The following DSCAML1 variants were observed in gnomAD, a reference collection of about 807,000 sequenced individuals.
The protein encoded by DSCAML1 is DS cell adhesion molecule like 1.
A neutral mutation model predicts 200.5 loss-of-function variants in DSCAML1; 38 were observed. The observed-to-expected ratio is 0.19, with a 90% CI of 0.15 to 0.25. The LOEUF (loss-of-function observed/expected upper bound fraction) is 0.25. Ranked by LOEUF, DSCAML1 falls within the 10% of genes least tolerant of loss-of-function variation. The pLI is 1.00. For synonymous variants in DSCAML1, 1,215 were observed against 1,165.0 expected (o/e 1.04, Z -0.87); for missense variants, 2,223 against 2,858.8 (o/e 0.78, Z 5.07).
chr11:117,688,988 C>T (rs79902379), intron 3 of DSCAML1, among the ~76,000 whole-genome samples: 1,585 of 152,226 alleles, frequency 0.01, 37 homozygotes, highest in East Asian at 0.097. Context: ...AGGCAGGTCT[C>T]GGAGCAACAG....
At chr11:117,528,316 AG>A (rs1300433015) in intron 4 of DSCAML1, among the ~76,000 whole-genome samples, 4 of 143,530 alleles carry the variant, frequency 2.8e-5, no homozygotes, top group Non-Finnish European at 4.6e-5. Flanking sequence ...TGGTGGAGGA[AG>A]GGGCGGAGGG....
chr11:117,724,329 A>G (rs2054088014), intron 3 of DSCAML1, among the ~76,000 whole-genome samples: 1 of 152,158 alleles, frequency 6.6e-6, no homozygotes, highest in African/African-American at 2.4e-5. Context: ...GCACCACATG[A>G]GACAAGGGAT....
intron 18 of DSCAML1, among the ~76,000 whole-genome samples, chr11:117,459,782 G>A (rs536571376): frequency 6.6e-6 from 1 of 152,338 alleles, no homozygotes; most frequent in South Asian, 2.1e-4. Flanking sequence ...GACCAGCCTC[G>A]TAGACATGAG....
At chr11:117,500,063 A>C (rs1184633997) in intron 11 of DSCAML1, among the ~76,000 whole-genome samples, 4 of 152,218 alleles carry the variant, frequency 2.6e-5, no homozygotes. Flanking sequence ...TTTCCTCAAC[A>C]TAGGACAGTC....
At chr11:117,671,874 G>A (rs1183163594) in intron 3 of DSCAML1, among the ~76,000 whole-genome samples, 1 of 152,076 alleles carries the variant, frequency 6.6e-6, no homozygotes, top group Non-Finnish European at 1.5e-5. Flanking sequence ...CACTTTGGGA[G>A]GCCGAGGCGG....
intron 21 of DSCAML1, among the ~76,000 whole-genome samples, chr11:117,443,187 G>A (rs2048104157): frequency 6.6e-6 from 1 of 152,230 alleles, no homozygotes; most frequent in Non-Finnish European, 1.5e-5. Flanking sequence ...TGGGCTAGTT[G>A]TGGCCAGTTC....
At chr11:117,561,078 C>T (rs1050181895) in intron 3 of DSCAML1, among the ~76,000 whole-genome samples, 2 of 152,208 alleles carry the variant, frequency 1.3e-5, no homozygotes, top group Non-Finnish European at 1.5e-5. Flanking sequence ...GACCCCTCCC[C>T]AGGCTGTTGT....
At chr11:117,682,329 G>A (rs973718015) in intron 3 of DSCAML1, among the ~76,000 whole-genome samples, 1 of 151,984 alleles carries the variant, frequency 6.6e-6, no homozygotes, top group Non-Finnish European at 1.5e-5. Flanking sequence ...CTTCCCACCT[G>A]CTCCAGCCAT....
intron 4 of DSCAML1, among the ~76,000 whole-genome samples, chr11:117,527,890 G>A (rs1283470562): frequency 1.3e-5 from 2 of 152,108 alleles, no homozygotes; most frequent in African/African-American, 2.4e-5. Context: ...GAAGGAGCCC[G>A]GGTTGGGAAT....
intron 26 of DSCAML1, among the ~76,000 whole-genome samples, chr11:117,436,068 T>C (rs917514397): frequency 6.6e-6 from 1 of 152,234 alleles, no homozygotes; most frequent in Admixed American, 6.5e-5. Context: ...CTGGAGTTAG[T>C]CTCTCGCCTG....
chr11:117,809,628 C>T (rs563839401), intron 1 of DSCAML1, among the ~76,000 whole-genome samples: 2 of 152,336 alleles, frequency 1.3e-5, no homozygotes, highest in South Asian at 4.1e-4. Flanking sequence ...GGGCTCACTC[C>T]CTGCCCCAGC....
rs2047775284 is a variant in DSCAML1 at position 117,430,888 on chromosome 11, G to C, written c.5520C>G (p.Ser1840=). 1 of 1,614,064 alleles carries C rather than the reference G, an allele frequency of 6.2e-7. No homozygotes were observed. Among genetic ancestry groups the C allele is most frequent in the Admixed American group, 1.7e-5 (1 of 60,008 alleles). ...TGGTGCCTGTGGTCATCTGGTCAGA[G>C]GAACTGTCAGAGATGAAGCACTCGG... The part of the protein sequence containing the change: ...EITECFISDS[S]SDQMTTGTNE... Residue 1840 remains serine, a synonymous_variant, in exon 32 of 33, where the codon TCC becomes TCG. Transcript: ENST00000651296.
At chr11:117,704,591 G>A (rs189635653) in intron 3 of DSCAML1, among the ~76,000 whole-genome samples, 1 of 152,344 alleles carries the variant, frequency 6.6e-6, no homozygotes, top group Non-Finnish European at 1.5e-5. Flanking sequence ...GCTGCGGGGA[G>A]GAGGGGGTGT....
chr11:117,474,961 T>C (rs1322212070), intron 14 of DSCAML1, among the ~76,000 whole-genome samples: 1 of 152,138 alleles, frequency 6.6e-6, no homozygotes, highest in Admixed American at 6.5e-5. Context: ...TTCACCGTGT[T>C]AGCCAGGATG....
intron 3 of DSCAML1, among the ~76,000 whole-genome samples, chr11:117,649,145 C>T (rs950947010): frequency 1.3e-5 from 2 of 151,350 alleles, no homozygotes; most frequent in Non-Finnish European, 2.9e-5. Context: ...GGCATGATCT[C>T]GGCTCACTGC....
At chr11:117,502,290 G>A (rs549679988) in intron 11 of DSCAML1, among the ~76,000 whole-genome samples, 4 of 152,268 alleles carry the variant, frequency 2.6e-5, no homozygotes, top group African/African-American at 7.2e-5. Flanking sequence ...CCACAGAGCC[G>A]GCAGCTCAGC....
upstream of DSCAML1, chr11:117,801,929 C>T (rs549389264): frequency 6.6e-6 from 1 of 152,326 alleles, no homozygotes; most frequent in African/African-American, 2.4e-5. Context: ...ACTCTGAAAT[C>T]GGTTGAGAAG....
At position 117,524,903 on chromosome 11, in the gene DSCAML1, G is replaced by C; in HGVS notation, c.839C>G (p.Thr280Ser). The change falls in exon 5 of 33, where the codon ACC becomes AGC. Residue 280 changes from threonine (T) to serine (S), a missense_variant. This residue lies in a region of DSCAML1 where 579 missense variants were observed against 721.5 expected (regional missense o/e 0.80). Transcript: ENST00000651296. ...SRWTKRITGL[T>S]ISDLRTEDSG... is the part of the protein sequence containing the mutation. ...GTCCTCGGTCCGCAAGTCGCTGATG[G>C]TCAGCCCTGTGATGCGCTTGGTCCA... 6.2e-7 allele frequency: 1 copy of C among 1,613,506 alleles called. No homozygotes were observed. Among genetic ancestry groups the C allele is most frequent in the South Asian group, 1.1e-5 (1 of 90,808 alleles).
Position 117,471,880 on chromosome 11 carries a change from G to C in DSCAML1, c.2942C>G (p.Thr981Ser). 3 of 1,572,640 alleles carry C rather than the reference G, an allele frequency of 1.9e-6. No individual in the cohort carries two copies. The highest frequency in any genetic ancestry group is 2.6e-6 in the Non-Finnish European group (3 of 1,160,636). Residue 981 changes from threonine to serine, a missense_variant, in exon 15 of 33, where the codon ACT (threonine) becomes AGT (serine). Around this residue, in one of 7 missense-constraint regions of DSCAML1, gnomAD observed 438 missense variants for 629.7 expected, o/e 0.70. Transcript: ENST00000651296. ...GGTGAGGTGCTCACCGGCCTCCTCA[G>C]TGCTGATGGTGAGCTCCTTGCTTGG... Reference protein sequence around the residue: ...SEPSKELTISTEEAAPDGPPM... With the variant: ...SEPSKELTISSEEAAPDGPPM...
Sources: allele counts gnomAD v4.1 joint callset (sites outside exome capture counted in the v4.1 genomes callset), GRCh38; gene constraint gnomAD v4.1.1; regional missense constraint gnomAD v4.1.1; transcripts MANE v1.5; gene names NCBI Gene and HGNC (gene_info 2026-07-23, HGNC 2026-07-21).